The following MYO5B variants were observed in gnomAD, a reference collection of about 807,000 sequenced individuals.
The protein encoded by MYO5B is unconventional myosin-Vb.
Under a neutral mutation model 229.3 loss-of-function variants are expected in MYO5B, and 143 were observed. The ratio of observed to expected loss-of-function variants is 0.62; its 90% CI spans 0.54 to 0.72. The LOEUF is 0.72. Among genes scored for constraint, MYO5B ranks in the 30% least tolerant of loss-of-function variants. The probability of loss-of-function intolerance (pLI) is 0.00; values close to 1 mark genes in which losing one functional copy is unlikely to be tolerated. For synonymous variants in MYO5B, 918 were observed against 885.2 expected (o/e 1.04, Z -0.66); for missense variants, 2,321 against 2,331.0 (o/e 1.00, Z 0.09).
intron 1 of MYO5B, among the ~76,000 whole-genome samples, chr18:50,101,474 G>A (rs2144502918): frequency 6.6e-6 from 1 of 152,116 alleles, no homozygotes; most frequent in African/African-American, 2.4e-5. Context: ...CTACAGAATG[G>A]GAGAAAATTT....
chr18:50,070,096 A>C (rs964774757), intron 1 of MYO5B, among the ~76,000 whole-genome samples: 1 of 139,928 alleles, frequency 7.1e-6, no homozygotes, highest in African/African-American at 2.7e-5. Flanking sequence ...ATCTCGGTTC[A>C]CTGCAACCTC....
intron 1 of MYO5B, chr18:50,063,723 G>T (rs61350852): frequency 6.6e-6 from 1 of 152,164 alleles, no homozygotes; most frequent in Non-Finnish European, 1.5e-5. Context: ...CTATGGTATC[G>T]TATGTATCGT....
At chr18:50,028,925 T>C (rs562805597) in intron 4 of MYO5B, among the ~76,000 whole-genome samples, 160 of 152,344 alleles carry the variant, frequency 1.1e-3, no homozygotes, top group Non-Finnish European at 1.9e-3. Context: ...CTGTTAATAA[T>C]ATTTATGACC....
intron 1 of MYO5B, among the ~76,000 whole-genome samples, chr18:50,117,183 A>G (rs2031978442): frequency 6.6e-6 from 1 of 152,194 alleles, no homozygotes; most frequent in African/African-American, 2.4e-5. Context: ...AAAGCAACTT[A>G]GGTGAATATG....
chr18:50,002,766 C>T (rs1192342260), intron 4 of MYO5B, among the ~76,000 whole-genome samples: 1 of 152,168 alleles, frequency 6.6e-6, no homozygotes, highest in African/African-American at 2.4e-5. Flanking sequence ...AAACTGGAAG[C>T]AACTTAGCTC....
chr18:49,902,570 A>AG (rs1270152952), intron 21 of MYO5B, 24 bp downstream of exon 21: 1 of 1,608,250 alleles, frequency 6.2e-7, no homozygotes, highest in Non-Finnish European at 8.5e-7. Flanking sequence ...CCCGACACCC[A>AG]GGTAGGGAGC....
intron 1 of MYO5B, among the ~76,000 whole-genome samples, chr18:50,089,095 C>G (rs537757954): frequency 6.6e-6 from 1 of 152,122 alleles, no homozygotes; most frequent in Non-Finnish European, 1.5e-5. Context: ...GTTATAGGAA[C>G]CTGGCCAGGC....
At position 50,036,744 on chromosome 18, in the gene MYO5B, C is replaced by T. The variant is rs899594727; in HGVS notation, c.455+106G>A. On this transcript the variant is annotated intron_variant, in intron 4 of 39. Transcript: ENST00000285039. Reference sequence around the variant, plus strand: ...TTGTTTCCAAGATGTTTCCTCAGTCCCAATCTCACCACCTCACTGTGAGCA... The same window carrying T: ...TTGTTTCCAAGATGTTTCCTCAGTCTCAATCTCACCACCTCACTGTGAGCA... 8 of 1,350,250 alleles carry T rather than the reference C, an allele frequency of 5.9e-6. No homozygotes were observed. In the African/African-American group the frequency reaches 8.6e-5, roughly 15 times the overall value. The allele number at this position is 1,350,250 out of a possible 1,614,324, so 83.6% of individuals were successfully genotyped here.
chr18:50,031,622 C>T (rs944720098), intron 4 of MYO5B, among the ~76,000 whole-genome samples: 3 of 152,138 alleles, frequency 2.0e-5, no homozygotes, highest in African/African-American at 4.8e-5. Flanking sequence ...GTTCTTTCCA[C>T]AACAAGCTAA....
intron 4 of MYO5B, among the ~76,000 whole-genome samples, chr18:50,027,218 A>G (rs907706079): frequency 1.3e-5 from 2 of 152,200 alleles, no homozygotes; most frequent in African/African-American, 4.8e-5. Context: ...GAAAAACTAA[A>G]TCCTACTCAC....
intron 29 of MYO5B, 64 bp downstream of exon 29, chr18:49,863,163 G>T: frequency 1.6e-6 from 2 of 1,263,710 alleles, no homozygotes; most frequent in South Asian, 1.2e-5. Context: ...ACCCCAAACA[G>T]ACTCGTTTGG....
At chr18:50,041,586 G>C (rs929815843) in intron 2 of MYO5B, among the ~76,000 whole-genome samples, 14 of 152,014 alleles carry the variant, frequency 9.2e-5, no homozygotes, top group African/African-American at 3.4e-4. Context: ...AAGTAAATTA[G>C]CTAGCCATTT....
intron 2 of MYO5B, among the ~76,000 whole-genome samples, chr18:50,049,491 G>A (rs946148154): frequency 6.6e-6 from 1 of 152,186 alleles, no homozygotes; most frequent in African/African-American, 2.4e-5. Flanking sequence ...CAGAACCATA[G>A]AGCCACAGTT....
intron 35 of MYO5B, 72 bp downstream of exon 35, chr18:49,841,293 G>C (rs2024054293): frequency 7.1e-7 from 1 of 1,401,236 alleles, no homozygotes; most frequent in Admixed American, 1.7e-5. Context: ...ACCTCTGAGG[G>C]TATACAAAGC....
chr18:49,856,473 C>G (rs1182049561), intron 30 of MYO5B, among the ~76,000 whole-genome samples: 1 of 152,162 alleles, frequency 6.6e-6, no homozygotes, highest in Non-Finnish European at 1.5e-5. Context: ...CCAGGATTCC[C>G]CAGAGGTATG....
At chr18:49,912,688 T>A (rs1408413604) in intron 17 of MYO5B, among the ~76,000 whole-genome samples, 4 of 152,184 alleles carry the variant, frequency 2.6e-5, no homozygotes, top group Non-Finnish European at 5.9e-5. Context: ...GCTCCTCCTT[T>A]GTCTTCCGCC....
At chr18:49,867,278 G>A (rs1451677156) in intron 27 of MYO5B, among the ~76,000 whole-genome samples, 1 of 150,422 alleles carries the variant, frequency 6.6e-6, no homozygotes, top group African/African-American at 2.5e-5. Flanking sequence ...TGTGGGAAGT[G>A]AGTGGGAAGA....
chr18:50,135,655 T>C (rs1421442716), intron 1 of MYO5B, among the ~76,000 whole-genome samples: 2 of 152,194 alleles, frequency 1.3e-5, no homozygotes, highest in Non-Finnish European at 2.9e-5. Flanking sequence ...TCATTTTTGG[T>C]GTATTACTTA....
chr18:50,122,439 T>A (rs372270365), intron 1 of MYO5B, among the ~76,000 whole-genome samples: 120 of 41,852 alleles, frequency 2.9e-3, no homozygotes, highest in South Asian at 8.1e-3. Flanking sequence ...CTGTCTCAAC[T>A]AAAAAAAAAA....
Sources: gnomAD v4.1 joint callset for allele counts (sites outside exome capture counted in the v4.1 genomes callset) on GRCh38, gnomAD v4.1.1 for gene constraint, MANE v1.5 for transcripts, NCBI Gene and HGNC (gene_info 2026-07-23, HGNC 2026-07-21) for gene names.